PPFIA4: variants seen among roughly 807,000 people sequenced by gnomAD.
PPFIA4 encodes the protein liprin-alpha-4.
In PPFIA4, 98 loss-of-function variants were observed where a neutral mutation model predicts 145.7. That is an observed-to-expected ratio of 0.67 (90% CI 0.57 to 0.80). The LOEUF (loss-of-function observed/expected upper bound fraction) is 0.80. PPFIA4 is among the 30% of genes least tolerant of loss of function. The pLI, the probability that PPFIA4 is intolerant of heterozygous loss-of-function variation, is 0.00. For missense variants in PPFIA4, 1,457 were observed against 1,632.7 expected (o/e 0.89, Z 1.85); for synonymous variants, 628 against 649.6 (o/e 0.97, Z 0.51).
At chr1:203,063,583 G>A in intron 24 of PPFIA4, 1 of 450,066 alleles carries the variant, frequency 2.2e-6, no homozygotes. Context: ...CTGTTCATTA[G>A]TGTAGATAAT....
chr1:203,043,766 A>G lies in PPFIA4; in HGVS notation c.337-165A>G, dbSNP rs983182235. ...GGCCGGGGCAGTCACCTTGAGTAGTATCAGTTGGGGCGGGAGCTCTGTGCC... is the reference window on the plus strand; with the variant it reads ...GGCCGGGGCAGTCACCTTGAGTAGTGTCAGTTGGGGCGGGAGCTCTGTGCC... On this transcript the variant is annotated intron_variant, in intron 3 of 29. Coordinates refer to ENST00000295706, the MANE Select transcript of PPFIA4 (RefSeq NM_001304331.2). The surrounding 1 kb of genome is among the most constrained non-coding windows in gnomAD (Gnocchi z 4.4). Among the ~76,000 whole-genome samples, 21 of 152,100 alleles carry G rather than the reference A, an allele frequency of 1.4e-4. No homozygotes were observed. Among genetic ancestry groups the G allele is most frequent in the African/African-American group, 3.9e-4 (16 of 41,420 alleles).
At chr1:203,035,748 G>A (rs1478344385) in intron 1 of PPFIA4, 1 of 438,036 alleles carries the variant, frequency 2.3e-6, no homozygotes, top group Non-Finnish European at 4.6e-6. Context: ...GCTGGAAGGA[G>A]CCAGGTGCCC....
Position 203,055,406 on chromosome 1 carries a change from G to C in PPFIA4, c.1830-26G>C. ...GCTGGTCCTGGCTGGGGCTAGTGGT[G>C]AGGTCTGGTTTTGCCTCCCTTCCAG... On this transcript the variant is annotated intron_variant, in intron 15 of 29. Transcript: ENST00000295706. This position sits in a 1 kb window ranked among gnomAD's most constrained non-coding sequence, Gnocchi z 4.8. 1.2e-6 allele frequency: 2 copies of C among 1,611,972 alleles called. No homozygotes were observed. Among genetic ancestry groups the C allele is most frequent in the South Asian group, 2.2e-5 (2 of 91,002 alleles).
At chr1:203,030,277 G>A (rs561556397) in intron 1 of PPFIA4, among the ~76,000 whole-genome samples, 2 of 152,252 alleles carry the variant, frequency 1.3e-5, no homozygotes, top group African/African-American at 2.4e-5. Flanking sequence ...CTGAGTCCAG[G>A]TGTGAGGTGA....
chr1:203,056,949 T>C lies in PPFIA4; in HGVS notation c.2406T>C (p.His802=), dbSNP rs372186998. The C allele has an allele frequency of 1.9e-6, 3 of 1,614,032 alleles. No individual in the cohort carries two copies. The highest frequency in any genetic ancestry group is 2.5e-6 in the Non-Finnish European group (3 of 1,179,892). ...IQLSRDGATG[H]VLLTDSEFSM... ...TGAGTCGGGATGGAGCCACAGGCCA[T>C]GGTCTCTGTCCCCTTCCTAACGGAG... is the stretch of plus-strand genomic sequence containing the variant. Residue 802 remains histidine (H), a splice_region_variant and synonymous_variant, in exon 19 of 30, where the codon CAT becomes CAC. Coordinates refer to ENST00000295706, the MANE Select transcript of PPFIA4 (RefSeq NM_001304331.2).
At chr1:203,044,342 C>G (rs1270284862) in intron 4 of PPFIA4, 37 bp from the exon 5 acceptor site, 8 of 1,539,916 alleles carry the variant, frequency 5.2e-6, no homozygotes, top group Non-Finnish European at 6.2e-6. Flanking sequence ...CAAGTGGGGT[C>G]CCCCTTTCTT....
intron 24 of PPFIA4, among the ~76,000 whole-genome samples, chr1:203,062,203 C>T (rs986089439): frequency 9.9e-5 from 15 of 151,184 alleles, no homozygotes; most frequent in Admixed American, 6.6e-5. Context: ...CTCGGCTGGG[C>T]GCGGTGGCTG....
chr1:203,047,854 T>C (rs116669967), intron 9 of PPFIA4, among the ~76,000 whole-genome samples: 2 of 152,308 alleles, frequency 1.3e-5, no homozygotes, highest in African/African-American at 4.8e-5. Context: ...CGGTGTGGCA[T>C]GAGCCCATGC....
Position 203,048,133 on chromosome 1 carries a change from C to T in PPFIA4, c.1141-94C>T. 8.2e-7 allele frequency: 1 copy of T among 1,214,174 alleles called. No homozygotes were observed. Among genetic ancestry groups the T allele is most frequent in the South Asian group, 1.3e-5 (1 of 77,786 alleles). 75.2% of individuals were successfully genotyped at this position (1,214,174 alleles called of 1,614,324 possible). ...TCACTGGTACTGGGGGCCATGATCC[C>T]CAGGGCCACCCTGGCACCAGGGTGC... On this transcript the variant is annotated intron_variant, in intron 9 of 29. Transcript: ENST00000295706. The surrounding 1 kb of genome is among the most constrained non-coding windows in gnomAD (Gnocchi z 5.8).
At position 203,026,527 on chromosome 1, in the gene PPFIA4, C is replaced by T. The variant is rs1658385397; in HGVS notation, c.-502C>T. 6.6e-6 allele frequency: 1 copy of T among 152,260 alleles called. No homozygotes were observed. Among genetic ancestry groups the T allele is most frequent in the African/African-American group, 2.4e-5 (1 of 41,464 alleles). The allele number at this position is 152,260 out of a possible 1,614,324, so 9.4% of individuals were successfully genotyped here. A position where few individuals can be genotyped will look rare whatever the true frequency, so the allele number is the denominator to read the frequency against. ...CTTGGGCGGCGGAGGCTGCAGCTAC[C>T]TCGGCGCCGGCTCGGCTCTAGGACG... On this transcript the variant is annotated 5_prime_UTR_variant, in exon 1 of 30. Coordinates refer to ENST00000295706, the MANE Select transcript of PPFIA4 (RefSeq NM_001304331.2).
chr1:203,043,298 G>C lies in PPFIA4; in HGVS notation c.235-99G>C. The C allele has an allele frequency of 9.7e-7, 1 of 1,030,374 alleles. No individual in the cohort carries two copies. Among genetic ancestry groups the C allele is most frequent in the Non-Finnish European group, 1.5e-6 (1 of 684,560 alleles). 63.8% of individuals were successfully genotyped at this position (1,030,374 alleles called of 1,614,324 possible). Reference sequence around the variant, plus strand: ...GGATTTTGTGGGGGAGGTGGTGGAAGTAAGGGATGGGTGAGAGGATCCCAC... The same window carrying C: ...GGATTTTGTGGGGGAGGTGGTGGAACTAAGGGATGGGTGAGAGGATCCCAC... On this transcript the variant is annotated intron_variant, in intron 2 of 29. Coordinates refer to ENST00000295706, the MANE Select transcript of PPFIA4 (RefSeq NM_001304331.2). This position sits in a 1 kb window ranked among gnomAD's most constrained non-coding sequence, Gnocchi z 4.4.
At position 203,061,647 on chromosome 1, in the gene PPFIA4, G is replaced by T; in HGVS notation, c.2848-5G>T. ...CCCCTAACACGCTGCACTCGTTCCT[G>T]CTAGGACAGTGAGGAGGGCAGCTGG... On this transcript the variant is annotated splice_polypyrimidine_tract_variant and splice_region_variant and intron_variant, in intron 23 of 29. Transcript: ENST00000295706. 1 of 1,565,128 alleles carries T rather than the reference G, an allele frequency of 6.4e-7. No individual in the cohort carries two copies. The highest frequency in any genetic ancestry group is 8.7e-7 in the Non-Finnish European group (1 of 1,154,646).
chr1:203,039,150 C>G lies in PPFIA4; in HGVS notation c.142C>G (p.Gln48Glu). The G allele has an allele frequency of 8.1e-6, 13 of 1,607,934 alleles. No homozygotes were observed. Among genetic ancestry groups the G allele is most frequent in the Non-Finnish European group, 1.1e-5 (13 of 1,177,548 alleles). Residue 48 changes from glutamine to glutamate, a missense_variant, in exon 2 of 30, where the codon CAG becomes GAG. Gln to Glu is a conservative substitution (Grantham distance 29). Transcript: ENST00000295706. ...EKLLESLRES[Q>E]ETLAATQSRL... is the part of the protein sequence containing the mutation. ...GTTGCTGGAGTCTCTTCGGGAGAGTCAGGAGACCTTGGCGGCCACACAGAG... is the reference window on the plus strand; with the variant it reads ...GTTGCTGGAGTCTCTTCGGGAGAGTGAGGAGACCTTGGCGGCCACACAGAG...
intron 27 of PPFIA4, among the ~76,000 whole-genome samples, chr1:203,069,575 A>C (rs1039381989): frequency 6.6e-6 from 1 of 152,164 alleles, no homozygotes; most frequent in Non-Finnish European, 1.5e-5. Flanking sequence ...GACTGTTTGC[A>C]GCTGTCAGAT....
intron 28 of PPFIA4, among the ~76,000 whole-genome samples, chr1:203,074,813 G>A (rs1232676890): frequency 6.6e-6 from 1 of 152,058 alleles, no homozygotes; most frequent in Non-Finnish European, 1.5e-5. Context: ...GTGCCCTGTG[G>A]CAGAGATGGT....
intron 9 of PPFIA4, among the ~76,000 whole-genome samples, chr1:203,047,011 G>A (rs927825801): frequency 3.3e-5 from 5 of 152,226 alleles, no homozygotes; most frequent in Non-Finnish European, 5.9e-5. Context: ...TAAATGCCTG[G>A]ATTTAGACAT....
intron 2 of PPFIA4, among the ~76,000 whole-genome samples, chr1:203,041,300 T>C (rs1173033766): frequency 6.6e-6 from 1 of 152,158 alleles, no homozygotes; most frequent in Non-Finnish European, 1.5e-5. Flanking sequence ...ATAAGAAGTT[T>C]GTATTTGTAG....
rs960368111 is a variant in PPFIA4 at position 203,075,821 on chromosome 1, C to T, written c.3574+64C>T. ...CGAGCGCGGGCTTCTTCCTGGCACCCCAGGGCCGGGCCGGGTGGAGAGGGG... is the reference window on the plus strand; with the variant it reads ...CGAGCGCGGGCTTCTTCCTGGCACCTCAGGGCCGGGCCGGGTGGAGAGGGG... On this transcript the variant is annotated intron_variant, in intron 29 of 29. Transcript: ENST00000295706. The surrounding 1 kb of genome is among the most constrained non-coding windows in gnomAD (Gnocchi z 4.1). 6 of 1,333,852 alleles carry T rather than the reference C, an allele frequency of 4.5e-6. No homozygotes were observed. In the African/African-American group the frequency reaches 7.7e-5, roughly 17 times the overall value. 82.6% of individuals were successfully genotyped at this position (1,333,852 alleles called of 1,614,324 possible). A position where few individuals can be genotyped will look rare whatever the true frequency, so the allele number is the denominator to read the frequency against.
At chr1:203,056,254 C>A in intron 17 of PPFIA4, 99 bp downstream of exon 17, 1 of 1,601,466 alleles carries the variant, frequency 6.2e-7, no homozygotes, top group Non-Finnish European at 8.5e-7. Flanking sequence ...TGAGTCTGAA[C>A]TCAGAGAGGC....
Sources: gnomAD v4.1 joint callset for allele counts (sites outside exome capture counted in the v4.1 genomes callset) on GRCh38, gnomAD v4.1.1 for gene constraint, Gnocchi (gnomAD v3.1) non-coding constraint, MANE v1.5 for transcripts, NCBI Gene and HGNC (gene_info 2026-07-23, HGNC 2026-07-21) for gene names.